SLC2A14: variants seen among roughly 807,000 people sequenced by gnomAD.
SLC2A14 encodes solute carrier family 2, facilitated glucose transporter member 14.
SLC2A14 carries 13 observed loss-of-function variants against 43.0 expected under a neutral mutation model. That is an observed-to-expected ratio of 0.30 (90% CI 0.20 to 0.48). SLC2A14 has a LOEUF of 0.48. Among genes scored for constraint, SLC2A14 ranks in the 20% least tolerant of loss-of-function variants. The probability of loss-of-function intolerance (pLI) is 0.99; values close to 1 mark genes in which losing one functional copy is unlikely to be tolerated. For synonymous variants in SLC2A14, 190 were observed against 233.8 expected, an observed-to-expected ratio of 0.81 and a Z score of 1.71; for missense variants, 428 against 620.4, an observed-to-expected ratio of 0.69 and a Z score of 3.29.
At chr12:7,871,407 C>G (rs1340924565) in intron 1 of SLC2A14, 1 of 272,156 alleles carries the variant, frequency 3.7e-6, no homozygotes, top group Non-Finnish European at 6.6e-6. Context: ...CCCTGGCCCC[C>G]CCGCCAGTCA....
chr12:7,841,552 C>T (rs1004155697), intron 2 of SLC2A14, among the ~76,000 whole-genome samples: 31 of 152,168 alleles, frequency 2.0e-4, no homozygotes, highest in African/African-American at 7.0e-4. Context: ...TGAGCCAGCT[C>T]GCCGAGCCAC....
intron 1 of SLC2A14, chr12:7,870,935 G>T: frequency 7.0e-7 from 1 of 1,425,050 alleles, no homozygotes; most frequent in South Asian, 1.1e-5. Flanking sequence ...CGTGATGTTC[G>T]ACCAGTTCCA....
chr12:7,842,794 T>C (rs957189629), intron 2 of SLC2A14, among the ~76,000 whole-genome samples: 7 of 151,704 alleles, frequency 4.6e-5, no homozygotes, highest in African/African-American at 1.7e-4. Context: ...AATGGTGCGA[T>C]CTCGGCTCAT....
At chr12:7,835,062 G>A (rs774320038) in intron 2 of SLC2A14, among the ~76,000 whole-genome samples, 82 of 149,610 alleles carry the variant, frequency 5.5e-4, no homozygotes, top group Non-Finnish European at 1.1e-3. Flanking sequence ...CCTATGCTGT[G>A]TCATTTGATT....
Position 7,828,948 on chromosome 12 carries a change from C to T in SLC2A14, c.514-82G>A, listed in dbSNP as rs1377777253. The T allele has an allele frequency of 1.5e-5, 23 of 1,536,926 alleles. No homozygotes were observed. The East Asian group carries it at 3.2e-4, about 21-fold the overall frequency. On this transcript the variant is annotated intron_variant, in intron 5 of 10. Coordinates refer to ENST00000431042, the MANE Select transcript of SLC2A14 (RefSeq NM_001286234.2). Reference sequence around the variant, plus strand: ...ATTGAAACACAAAAAGTTGGCTGGGCGCAGTAGCTTACGCCTGTAATTCCA... The same window carrying T: ...ATTGAAACACAAAAAGTTGGCTGGGTGCAGTAGCTTACGCCTGTAATTCCA...
rs1397352740 is a variant in SLC2A14 at position 7,845,158 on chromosome 12, C to T, written c.19-12344G>A. On this transcript the variant is annotated intron_variant, in intron 2 of 10. Transcript: ENST00000431042. ...GAATGGAGAGGTCACCCAATCATCC[C>T]GTTTGCCCAGGACTATCTCAGTTTT... Among the ~76,000 whole-genome samples, 5 of 152,056 alleles carry T rather than the reference C, an allele frequency of 3.3e-5. No homozygotes were observed. In the South Asian group the frequency reaches 8.3e-4, roughly 25 times the overall value.
intron 10 of SLC2A14, among the ~76,000 whole-genome samples, chr12:7,816,356 G>A (rs1454316322): frequency 1.7e-5 from 2 of 118,002 alleles, no homozygotes; most frequent in African/African-American, 3.3e-5. Flanking sequence ...CACCCGCCTC[G>A]GCCTCCCAAA....
intron 2 of SLC2A14, among the ~76,000 whole-genome samples, chr12:7,862,612 C>A (rs968043915): frequency 2.6e-5 from 4 of 152,136 alleles, no homozygotes; most frequent in Non-Finnish European, 4.4e-5. Context: ...CCTGCAGCAC[C>A]GGTGCGTGAT....
chr12:7,835,409 C>G (rs1328255985), intron 2 of SLC2A14, among the ~76,000 whole-genome samples: 1 of 152,078 alleles, frequency 6.6e-6, no homozygotes, highest in Non-Finnish European at 1.5e-5. Flanking sequence ...AAAATTTACA[C>G]CTAATACTTT....
intron 2 of SLC2A14, among the ~76,000 whole-genome samples, chr12:7,844,624 C>G (rs920415555): frequency 4.0e-5 from 6 of 151,856 alleles, no homozygotes; most frequent in African/African-American, 1.5e-4. Context: ...GCAGCCTCCA[C>G]CTCCCAGGTT....
At chr12:7,889,570 T>C (rs188967079) in intron 1 of SLC2A14, among the ~76,000 whole-genome samples, 6 of 147,680 alleles carry the variant, frequency 4.1e-5, no homozygotes, top group Admixed American at 3.5e-4. Flanking sequence ...AGTTTTGCTC[T>C]TGTTGCCCAG....
chr12:7,829,635 T>A (rs1864826564), intron 5 of SLC2A14, 131 bp downstream of exon 5: 1 of 1,298,326 alleles, frequency 7.7e-7, no homozygotes, highest in Non-Finnish European at 1.1e-6. Context: ...CTTCTTCAGC[T>A]ACTATCTATT....
At chr12:7,863,289 G>A (rs1210038369) in intron 2 of SLC2A14, 1 of 430,664 alleles carries the variant, frequency 2.3e-6, no homozygotes. Flanking sequence ...GAACCCACCA[G>A]AAGGAAAACA....
intron 2 of SLC2A14, chr12:7,839,802 G>A (rs752027362): frequency 2.9e-5 from 13 of 452,982 alleles, no homozygotes; most frequent in South Asian, 2.0e-4. Context: ...GGCCAGGCTC[G>A]ATGGCTCATG....
At chr12:7,870,307 C>G (rs1945154166) in intron 1 of SLC2A14, among the ~76,000 whole-genome samples, 1 of 152,150 alleles carries the variant, frequency 6.6e-6, no homozygotes, top group African/African-American at 2.4e-5. Context: ...TCATAAAATT[C>G]TGTGATTTAA....
intron 1 of SLC2A14, among the ~76,000 whole-genome samples, chr12:7,887,201 C>T (rs992099897): frequency 4.6e-5 from 7 of 151,880 alleles, no homozygotes; most frequent in Non-Finnish European, 7.4e-5. Flanking sequence ...CATGAGCCAC[C>T]GCGCCCGGCC....
At chr12:7,883,585 C>CTTTTCTTTT (rs1945630963) in intron 1 of SLC2A14, among the ~76,000 whole-genome samples, 7 of 121,078 alleles carry the variant, frequency 5.8e-5, no homozygotes, top group African/African-American at 2.3e-4. Flanking sequence ...TTTTCTTTTT[C>CTTTTCTTTT]TTTTCTTTTT....
At position 7,872,814 on chromosome 12, in the gene SLC2A14, A is replaced by G; in HGVS notation, c.-65T>C. 1.0e-6 allele frequency: 1 copy of G among 983,822 alleles called. No individual in the cohort carries two copies. The highest frequency in any genetic ancestry group is 1.2e-6 in the Non-Finnish European group (1 of 829,616). 60.9% of individuals were successfully genotyped at this position (983,822 alleles called of 1,614,324 possible). The stretch of plus-strand genomic sequence containing the variant: ...ACGGCGCGGCGCACCCACCTCCCAG[A>G]CCCCGCGACTGCGGTTGGGCCCCGC... On this transcript the variant is annotated 5_prime_UTR_variant, in exon 1 of 11. Transcript: ENST00000431042.
intron 2 of SLC2A14, among the ~76,000 whole-genome samples, chr12:7,865,393 C>T (rs986757897): frequency 1.3e-5 from 2 of 151,934 alleles, no homozygotes; most frequent in Non-Finnish European, 2.9e-5. Context: ...AAATATTCGC[C>T]GGGCGTGGTG....
Sources: allele counts gnomAD v4.1 joint callset (sites outside exome capture counted in the v4.1 genomes callset), GRCh38; gene constraint gnomAD v4.1.1; transcripts MANE v1.5; gene names NCBI Gene and HGNC (gene_info 2026-07-23, HGNC 2026-07-21).